Variants in SMIM35 observed in about 807,000 individuals in gnomAD.
SMIM35 encodes small integral membrane protein 35.
intron 4 of SMIM35, among the ~76,000 whole-genome samples, chr11:118,012,961 G>T (rs747955301): frequency 6.6e-6 from 1 of 152,192 alleles, no homozygotes; most frequent in Admixed American, 6.5e-5. Flanking sequence ...CACTGGGCAG[G>T]GCTGGTTCTC....
At chr11:118,075,378 G>A (rs1396942751) in intron 1 of SMIM35, among the ~76,000 whole-genome samples, 3 of 152,234 alleles carry the variant, frequency 2.0e-5, no homozygotes, top group Non-Finnish European at 4.4e-5. Context: ...TTCATCAGCT[G>A]AGATTTGGCC....
At chr11:118,046,359 T>A (rs1031001194) in intron 1 of SMIM35, among the ~76,000 whole-genome samples, 1 of 152,214 alleles carries the variant, frequency 6.6e-6, no homozygotes, top group African/African-American at 2.4e-5. Context: ...TAGATGGATG[T>A]GTGATCTCCT....
intron 1 of SMIM35, among the ~76,000 whole-genome samples, chr11:118,083,387 C>T (rs546429644): frequency 6.6e-6 from 1 of 152,288 alleles, no homozygotes; most frequent in South Asian, 2.1e-4. Flanking sequence ...GACATCACCT[C>T]CGGTCCCAAC....
chr11:118,024,470 C>CTGTTT (rs576729622), intron 1 of SMIM35, among the ~76,000 whole-genome samples: 11 of 152,040 alleles, frequency 7.2e-5, no homozygotes, highest in African/African-American at 1.4e-4. Context: ...TTGTTTTGTT[C>CTGTTT]TGTTTTGTTT....
chr11:118,053,132 C>G (rs543599827), intron 1 of SMIM35, among the ~76,000 whole-genome samples: 7 of 152,106 alleles, frequency 4.6e-5, no homozygotes, highest in African/African-American at 1.7e-4. Context: ...ATGGTGAAAC[C>G]CCCATCTCGA....
chr11:118,047,668 G>C (rs1188561619), intron 1 of SMIM35, among the ~76,000 whole-genome samples: 1 of 152,220 alleles, frequency 6.6e-6, no homozygotes, highest in Non-Finnish European at 1.5e-5. Flanking sequence ...GGATTTAGTG[G>C]ACGGAGAAGC....
intron 1 of SMIM35, among the ~76,000 whole-genome samples, chr11:118,031,150 T>C (rs1296140958): frequency 6.6e-6 from 1 of 152,174 alleles, no homozygotes; most frequent in Non-Finnish European, 1.5e-5. Flanking sequence ...AATTTCGTGG[T>C]GTTAGATTGG....
intron 1 of SMIM35, chr11:118,025,941 C>A: frequency 3.2e-6 from 1 of 317,294 alleles, no homozygotes; most frequent in South Asian, 2.5e-5. Flanking sequence ...ACATTTAAGT[C>A]TTTAATTTAT....
chr11:118,040,044 CAAAAAAAAAA>C (rs35273108), intron 1 of SMIM35, among the ~76,000 whole-genome samples: 4 of 102,234 alleles, frequency 3.9e-5, no homozygotes, highest in African/African-American at 1.6e-4. Context: ...GACCTTATCT[CAAAAAAAAAA>C]AAAAAAAAAA....
intron 1 of SMIM35, among the ~76,000 whole-genome samples, chr11:118,030,576 G>T (rs972170793): frequency 6.6e-6 from 1 of 152,172 alleles, no homozygotes; most frequent in Non-Finnish European, 1.5e-5. Context: ...GTGGCACTAT[G>T]GTGGTCCTGA....
At chr11:118,017,017 A>G (rs1041265905) in intron 1 of SMIM35, among the ~76,000 whole-genome samples, 1 of 152,178 alleles carries the variant, frequency 6.6e-6, no homozygotes, top group African/African-American at 2.4e-5. Flanking sequence ...TGTGACAGCC[A>G]AATGCAGAGG....
At chr11:118,040,174 C>A (rs1168352625) in intron 1 of SMIM35, among the ~76,000 whole-genome samples, 1 of 152,050 alleles carries the variant, frequency 6.6e-6, no homozygotes, top group Non-Finnish European at 1.5e-5. Flanking sequence ...CGAGATCATG[C>A]CACTGCACTG....
rs144631075 is a variant in SMIM35 at position 118,065,039 on chromosome 11, C to A, written c.7+21712G>T. On this transcript the variant is annotated intron_variant, in intron 1 of 4. Coordinates refer to ENST00000689828, the MANE Select transcript of SMIM35 (RefSeq NM_001394165.1). ...CCCTGGAGTGATCCAGATATCCCAA[C>A]TCAGAAATGACCAGATAAGGCCAGA... is the stretch of plus-strand genomic sequence containing the variant. Among the ~76,000 whole-genome samples the A allele has an allele frequency of 5.4e-3, 830 of 152,322 alleles. 6 individuals are homozygous for A. The highest frequency in any genetic ancestry group is 0.019 in the African/African-American group (800 of 41,578).
intron 1 of SMIM35, among the ~76,000 whole-genome samples, chr11:118,048,533 AGAAAGAAGGAAG>A (rs1944141108): frequency 7.4e-6 from 1 of 135,572 alleles, no homozygotes; most frequent in South Asian, 2.6e-4. Context: ...AAAGGAAGAA[AGAAAGAAGGAAG>A]GAAGGAAGGA....
chr11:118,069,751 T>C (rs989586723), intron 1 of SMIM35, among the ~76,000 whole-genome samples: 2 of 152,268 alleles, frequency 1.3e-5, no homozygotes, highest in Non-Finnish European at 2.9e-5. Context: ...GCTGGTTCCC[T>C]ATAAAAGGAT....
At chr11:118,058,739 C>T in intron 1 of SMIM35, among the ~76,000 whole-genome samples, 1 of 152,164 alleles carries the variant, frequency 6.6e-6, no homozygotes, top group East Asian at 1.9e-4. Context: ...CCAGGCCAAA[C>T]TGCTCTGGGA....
chr11:118,070,608 G>T (rs896532269), intron 1 of SMIM35, among the ~76,000 whole-genome samples: 3 of 152,242 alleles, frequency 2.0e-5, no homozygotes, highest in Non-Finnish European at 4.4e-5. Flanking sequence ...CCCTTGGGCT[G>T]CCCCAGGGTG....
intron 1 of SMIM35, chr11:118,028,585 T>C: frequency 4.4e-6 from 1 of 229,240 alleles, no homozygotes. Flanking sequence ...CTATGCTTAT[T>C]CGTATATAAA....
At chr11:118,050,461 C>T (rs539914012) in intron 1 of SMIM35, among the ~76,000 whole-genome samples, 3 of 152,228 alleles carry the variant, frequency 2.0e-5, no homozygotes, top group South Asian at 2.1e-4. Flanking sequence ...GCCACTGACA[C>T]CAACCATCAG....
Sources: allele counts gnomAD v4.1 joint callset (sites outside exome capture counted in the v4.1 genomes callset), GRCh38; gene constraint gnomAD v4.1.1; transcripts MANE v1.5; gene names NCBI Gene and HGNC (gene_info 2026-07-23, HGNC 2026-07-21).